DCC: variants seen among roughly 807,000 people sequenced by gnomAD.
DCC encodes the protein DCC netrin 1 receptor.
DCC carries 58 observed loss-of-function variants against 172.5 expected under a neutral mutation model. The ratio of observed to expected loss-of-function variants is 0.34; its 90% confidence interval spans 0.27 to 0.42. The LOEUF (loss-of-function observed/expected upper bound fraction) is 0.42, where lower values mean the gene tolerates loss of function less well. Ranked by LOEUF, DCC falls within the 10% of genes least tolerant of loss-of-function variation. The probability of loss-of-function intolerance (pLI) is 1.00; values close to 1 mark genes in which losing one functional copy is unlikely to be tolerated. For missense variants in DCC, 1,740 were observed against 1,791.0 expected, an observed-to-expected ratio of 0.97 and a Z score of 0.51; for synonymous variants, 709 against 644.5, an observed-to-expected ratio of 1.10 and a Z score of -1.52.
At chr18:53,040,665 A>G (rs2042156721) in intron 5 of DCC, among the ~76,000 whole-genome samples, 1 of 152,010 alleles carries the variant, frequency 6.6e-6, no homozygotes, top group South Asian at 2.1e-4. Context: ...CCTTTCCCCA[A>G]GAACTATTGA....
chr18:52,563,296 G>T (rs563896412), intron 1 of DCC, among the ~76,000 whole-genome samples: 11 of 152,156 alleles, frequency 7.2e-5, no homozygotes, highest in African/African-American at 2.7e-4. Flanking sequence ...ATAAACATAG[G>T]TATTAGAAGA....
At chr18:52,855,908 G>T (rs1270554533) in intron 2 of DCC, among the ~76,000 whole-genome samples, 2 of 151,484 alleles carry the variant, frequency 1.3e-5, no homozygotes, top group African/African-American at 4.8e-5. Context: ...TGGGATTACA[G>T]GCACGTGCCA....
At chr18:52,437,361 G>A (rs988220867) in intron 1 of DCC, among the ~76,000 whole-genome samples, 5 of 152,148 alleles carry the variant, frequency 3.3e-5, no homozygotes, top group Non-Finnish European at 7.3e-5. Flanking sequence ...GGCAGTCTTG[G>A]CAATCCAAAG....
At chr18:52,814,102 G>GGT (rs1223118721) in intron 2 of DCC, among the ~76,000 whole-genome samples, 3 of 152,162 alleles carry the variant, frequency 2.0e-5, no homozygotes, top group Non-Finnish European at 2.9e-5. Flanking sequence ...AATACACATA[G>GGT]GTGTACCCTG....
intron 12 of DCC, among the ~76,000 whole-genome samples, chr18:53,258,365 C>T (rs2056549799): frequency 6.6e-6 from 1 of 152,050 alleles, no homozygotes; most frequent in Non-Finnish European, 1.5e-5. Flanking sequence ...ACAAATTTCC[C>T]TCTACACACT....
At chr18:52,938,329 T>C (rs2040411379) in intron 5 of DCC, among the ~76,000 whole-genome samples, 1 of 152,034 alleles carries the variant, frequency 6.6e-6, no homozygotes, top group African/African-American at 2.4e-5. Flanking sequence ...AACCAAACTG[T>C]GGAAGTGGGA....
At chr18:53,500,658 A>T (rs1340285721) in intron 27 of DCC, among the ~76,000 whole-genome samples, 1 of 151,940 alleles carries the variant, frequency 6.6e-6, no homozygotes, top group South Asian at 2.1e-4. Flanking sequence ...CAACATTCAC[A>T]TGATGTGCAA....
chr18:52,740,343 T>C (rs1913306239), intron 1 of DCC, among the ~76,000 whole-genome samples: 1 of 152,212 alleles, frequency 6.6e-6, no homozygotes, highest in African/African-American at 2.4e-5. Context: ...TGGGTTTTCC[T>C]TCTTGATACC....
intron 15 of DCC, among the ~76,000 whole-genome samples, chr18:53,377,705 A>C (rs991346856): frequency 6.6e-6 from 1 of 152,202 alleles, no homozygotes; most frequent in Non-Finnish European, 1.5e-5. Flanking sequence ...AAGGGATGGG[A>C]GGTAGTTAAA....
intron 1 of DCC, among the ~76,000 whole-genome samples, chr18:52,740,447 C>A (rs571186116): frequency 6.6e-6 from 1 of 152,086 alleles, no homozygotes; most frequent in Non-Finnish European, 1.5e-5. Context: ...TAATGAAAAT[C>A]GCTATTTGGC....
chr18:52,377,384 A>T (rs1189345505), intron 1 of DCC, among the ~76,000 whole-genome samples: 1 of 152,174 alleles, frequency 6.6e-6, no homozygotes, highest in Non-Finnish European at 1.5e-5. Context: ...ATTTACAAGG[A>T]TTCTACAGGT....
intron 2 of DCC, among the ~76,000 whole-genome samples, chr18:52,775,902 T>C (rs1208735484): frequency 6.6e-6 from 1 of 152,166 alleles, no homozygotes; most frequent in South Asian, 2.1e-4. Flanking sequence ...GACCTGCCTT[T>C]CTCTACCCGG....
At chr18:53,020,066 T>C (rs911449598) in intron 5 of DCC, among the ~76,000 whole-genome samples, 12 of 152,200 alleles carry the variant, frequency 7.9e-5, no homozygotes, top group Non-Finnish European at 1.5e-4. Flanking sequence ...TGAAGGAGCA[T>C]GCTTAGTTTC....
At chr18:52,588,890 T>C (rs1304311797) in intron 1 of DCC, among the ~76,000 whole-genome samples, 1 of 151,984 alleles carries the variant, frequency 6.6e-6, no homozygotes, top group Non-Finnish European at 1.5e-5. Context: ...CTGGTTTGAC[T>C]AATCAGAGAC....
Position 53,011,581 on chromosome 18 carries a change from C to T in DCC, c.986-51724C>T, listed in dbSNP as rs1599026308. 2.0e-5 allele frequency among the ~76,000 whole-genome samples: 3 copies of T among 151,804 alleles called. No homozygotes were observed. In the South Asian group the frequency reaches 6.2e-4, roughly 32 times the overall value. ...ATAATAAAATAAATGAATGGGAAGA[C>T]TTACAACATTGAGATAAAATTGCTA... On this transcript the variant is annotated intron_variant, in intron 5 of 28. Coordinates refer to ENST00000442544, the MANE Select transcript of DCC (RefSeq NM_005215.4).
chr18:53,528,601 A>G (rs981267229), intron 28 of DCC, among the ~76,000 whole-genome samples: 1 of 152,158 alleles, frequency 6.6e-6, no homozygotes, highest in Non-Finnish European at 1.5e-5. Flanking sequence ...ATTAAAGGAA[A>G]TAAAGAGGAC....
At chr18:52,538,706 C>G (rs1232377390) in intron 1 of DCC, among the ~76,000 whole-genome samples, 1 of 152,168 alleles carries the variant, frequency 6.6e-6, no homozygotes, top group Non-Finnish European at 1.5e-5. Context: ...GAGCTGTGTC[C>G]CTACTACAGT....
chr18:52,539,004 A>T (rs932805457), intron 1 of DCC, among the ~76,000 whole-genome samples: 2 of 152,182 alleles, frequency 1.3e-5, no homozygotes, highest in Non-Finnish European at 2.9e-5. Context: ...AAATAATAAA[A>T]TTAGCCTCTT....
At chr18:52,499,398 A>G (rs1369181746) in intron 1 of DCC, among the ~76,000 whole-genome samples, 2 of 152,174 alleles carry the variant, frequency 1.3e-5, no homozygotes, top group Non-Finnish European at 2.9e-5. Flanking sequence ...AAAATTACCT[A>G]TTAGCGGCCT....
Sources: gnomAD v4.1 joint callset for allele counts (sites outside exome capture counted in the v4.1 genomes callset) on GRCh38, gnomAD v4.1.1 for gene constraint, MANE v1.5 for transcripts, NCBI Gene and HGNC (gene_info 2026-07-23, HGNC 2026-07-21) for gene names.